The following FRMD5 variants were observed in gnomAD, a reference collection of about 807,000 sequenced individuals.
FRMD5 encodes the protein FERM domain containing 5.
A neutral mutation model predicts 69.0 loss-of-function variants in FRMD5; 20 were observed. The ratio of observed to expected loss-of-function variants is 0.29; its 90% CI spans 0.20 to 0.42. The LOEUF is 0.42. Ranked by LOEUF, FRMD5 falls within the 10% of genes least tolerant of loss-of-function variation. The pLI is 1.00. For synonymous variants in FRMD5, 271 were observed against 260.1 expected (o/e 1.04, Z -0.40); for missense variants, 595 against 708.6 (o/e 0.84, Z 1.82).
chr15:44,176,721 T>G (rs1259930299), intron 1 of FRMD5, among the ~76,000 whole-genome samples: 1 of 152,062 alleles, frequency 6.6e-6, no homozygotes, highest in Non-Finnish European at 1.5e-5. Context: ...GGCCAAAGAC[T>G]TGAATAGACA....
At chr15:44,007,029 GTTATC>G (rs201268871) in intron 1 of FRMD5, among the ~76,000 whole-genome samples, 569 of 152,216 alleles carry the variant, frequency 3.7e-3, no homozygotes, top group Admixed American at 4.3e-3. Flanking sequence ...AAACTTCATG[GTTATC>G]TTATCTTATT....
intron 1 of FRMD5, among the ~76,000 whole-genome samples, chr15:44,094,885 G>T (rs545040256): frequency 1.3e-5 from 2 of 151,878 alleles, no homozygotes; most frequent in African/African-American, 2.4e-5. Context: ...ATTCATTGAG[G>T]GACACATTGA....
chr15:44,068,798 T>A (rs1474635942), intron 1 of FRMD5, among the ~76,000 whole-genome samples: 2 of 152,208 alleles, frequency 1.3e-5, no homozygotes, highest in African/African-American at 2.4e-5. Context: ...AGATGACCTG[T>A]ATTTTGTTCC....
chr15:44,174,343 A>G (rs1358498668), intron 1 of FRMD5, among the ~76,000 whole-genome samples: 1 of 152,200 alleles, frequency 6.6e-6, no homozygotes, highest in Non-Finnish European at 1.5e-5. Context: ...CTCTTTCAAC[A>G]TTGATGAACC....
chr15:43,891,096 C>T (rs2088783069), intron 8 of FRMD5, among the ~76,000 whole-genome samples: 1 of 152,192 alleles, frequency 6.6e-6, no homozygotes, highest in Non-Finnish European at 1.5e-5. Flanking sequence ...CCAGCTTAGA[C>T]TTGGCAGTCT....
At chr15:43,939,793 G>A (rs966590192) in intron 1 of FRMD5, among the ~76,000 whole-genome samples, 5 of 151,828 alleles carry the variant, frequency 3.3e-5, no homozygotes, top group African/African-American at 4.8e-5. Flanking sequence ...ACTCCTGGGC[G>A]CAAGTGATCC....
chr15:43,913,332 A>G (rs1032566098), intron 4 of FRMD5, among the ~76,000 whole-genome samples: 1 of 152,234 alleles, frequency 6.6e-6, no homozygotes, highest in Admixed American at 6.5e-5. Context: ...AAAAGGATAC[A>G]CCAGTATCCT....
intron 1 of FRMD5, among the ~76,000 whole-genome samples, chr15:44,027,143 T>C (rs1639860111): frequency 6.6e-6 from 1 of 152,218 alleles, no homozygotes; most frequent in Admixed American, 6.5e-5. Flanking sequence ...AACCCACCAC[T>C]GAATAGGGTT....
chr15:43,911,688 G>C (rs1270757262), intron 4 of FRMD5, among the ~76,000 whole-genome samples: 3 of 152,158 alleles, frequency 2.0e-5, no homozygotes, highest in Non-Finnish European at 4.4e-5. Flanking sequence ...ATCCCTAGGG[G>C]AGTAATGAAA....
intron 1 of FRMD5, among the ~76,000 whole-genome samples, chr15:44,156,681 A>C (rs571385214): frequency 6.6e-6 from 1 of 152,326 alleles, no homozygotes; most frequent in East Asian, 1.9e-4. Context: ...ATGAACATAA[A>C]TCTCATCTCT....
chr15:43,872,286 G>C lies in FRMD5; in HGVS notation c.*1599C>G, dbSNP rs575450740. On this transcript the variant is annotated 3_prime_UTR_variant, in exon 14 of 14. Coordinates refer to ENST00000417257, the MANE Select transcript of FRMD5 (RefSeq NM_032892.5). ...AACATGGACATGGTTCTACCATCTC[G>C]GGGGACAAAATAGGGGAGGTCAAGT... 1 of 152,100 alleles carries C rather than the reference G, an allele frequency of 6.6e-6. No individual in the cohort carries two copies. The highest frequency in any genetic ancestry group is 1.5e-5 in the Non-Finnish European group (1 of 68,038). The allele number at this position is 152,100 out of a possible 1,614,324, so 9.4% of individuals were successfully genotyped here. A position where few individuals can be genotyped will look rare whatever the true frequency, so the allele number is the denominator to read the frequency against.
At chr15:43,937,953 T>A (rs2089789982) in intron 1 of FRMD5, among the ~76,000 whole-genome samples, 1 of 152,100 alleles carries the variant, frequency 6.6e-6, no homozygotes, top group African/African-American at 2.4e-5. Context: ...CCCCAAATCA[T>A]AACTACCATT....
At chr15:43,980,877 G>A (rs562970012) in intron 1 of FRMD5, among the ~76,000 whole-genome samples, 2 of 152,196 alleles carry the variant, frequency 1.3e-5, no homozygotes, top group African/African-American at 4.8e-5. Context: ...AGGAGTTAGG[G>A]TACTGACCCC....
intron 1 of FRMD5, among the ~76,000 whole-genome samples, chr15:44,119,805 A>G (rs1378412199): frequency 6.6e-6 from 1 of 152,010 alleles, no homozygotes; most frequent in Non-Finnish European, 1.5e-5. Context: ...GTTCTGCCAG[A>G]ACACAAACTC....
In FRMD5 at chr15:43,872,626, C is replaced by G. The variant is rs1339375631; in HGVS notation, c.*1259G>C. On this transcript the variant is annotated 3_prime_UTR_variant, in exon 14 of 14. Transcript: ENST00000417257. ...TGCAGAGGATGACCCTAGGGGGCAG[C>G]ATTTCTACATCTAAGTGTTGGTCTC... is the stretch of plus-strand genomic sequence containing the variant. 1.3e-5 allele frequency: 2 copies of G among 153,248 alleles called. No individual in the cohort carries two copies. The allele number at this position is 153,248 out of a possible 1,614,324, so 9.5% of individuals were successfully genotyped here.
intron 1 of FRMD5, among the ~76,000 whole-genome samples, chr15:44,117,605 T>C (rs2076887814): frequency 6.6e-6 from 1 of 152,216 alleles, no homozygotes; most frequent in African/African-American, 2.4e-5. Flanking sequence ...TAACAATCTT[T>C]GAGAAAAGCA....
At chr15:43,988,638 CAAAAT>C (rs1319626740) in intron 1 of FRMD5, among the ~76,000 whole-genome samples, 2 of 151,800 alleles carry the variant, frequency 1.3e-5, no homozygotes, top group African/African-American at 4.8e-5. Flanking sequence ...CAAAATAAAA[CAAAAT>C]AAAGAAGTAT....
chr15:43,920,803 T>A (rs1295251034), intron 2 of FRMD5, among the ~76,000 whole-genome samples: 1 of 152,182 alleles, frequency 6.6e-6, no homozygotes, highest in Non-Finnish European at 1.5e-5. Flanking sequence ...ACTGGGCCCA[T>A]ACTTCCTTCT....
At chr15:44,153,533 G>T (rs1213955804) in intron 1 of FRMD5, among the ~76,000 whole-genome samples, 5 of 152,232 alleles carry the variant, frequency 3.3e-5, no homozygotes, top group Admixed American at 6.5e-5. Flanking sequence ...GTGGTTACCA[G>T]GGGTTGAGGG....
Sources: allele counts gnomAD v4.1 joint callset (sites outside exome capture counted in the v4.1 genomes callset), GRCh38; gene constraint gnomAD v4.1.1; transcripts MANE v1.5; gene names NCBI Gene and HGNC (gene_info 2026-07-23, HGNC 2026-07-21).